The following COL5A2 variants were observed in gnomAD, a reference collection of about 807,000 sequenced individuals.
The protein encoded by COL5A2 is collagen alpha-2(V) chain.
In COL5A2, 23 loss-of-function variants were observed where a neutral mutation model predicts 208.2. That is an observed-to-expected ratio of 0.11 (90% CI 0.08 to 0.16). COL5A2 has a LOEUF of 0.16. Ranked by LOEUF, COL5A2 falls within the 10% of genes least tolerant of loss-of-function variation. The pLI is 1.00. For synonymous variants in COL5A2, 625 were observed against 628.5 expected (o/e 0.99, Z 0.08); for missense variants, 1,590 against 1,956.4 (o/e 0.81, Z 3.53).
In COL5A2 at chr2:189,035,126, A is replaced by C. The variant is rs200911233; in HGVS notation, c.4143T>G (p.Asn1381Lys). The C allele has an allele frequency of 3.1e-6, 5 of 1,613,910 alleles. No homozygotes were observed. The highest frequency in any genetic ancestry group is 4.2e-6 in the Non-Finnish European group (5 of 1,179,880). ...AAAAAGTCATCTGAGTAATGGCTGT[A>C]TTAGGTGATTGGTGGTCTCCATAAG... ...QFAYGDHQSP[N>K]TAITQMTFLR... The change falls in exon 53 of 54, where the codon AAT (asparagine) becomes AAG (lysine). Residue 1381 changes from asparagine to lysine, a missense_variant. Transcript: ENST00000374866.
In COL5A2 at chr2:189,190,483, TA is replaced by T. The variant is rs569604350; in HGVS notation, c.-42+34664del. Among the ~76,000 whole-genome samples the T allele has an allele frequency of 2.7e-3, 415 of 152,364 alleles. 2 individuals carry two copies. Among genetic ancestry groups the T allele is most frequent in the African/African-American group, 9.3e-3 (388 of 41,582 alleles). On this transcript the variant is annotated intron_variant, in intron 1 of 10. Coordinates refer to the COL5A2 transcript ENST00000649966. ...AATTTATCTTCCTGTTAATTTACTT[TA>T]AAAATAATTTATACACATTTATTTG... is the stretch of plus-strand genomic sequence containing the variant.
chr2:189,232,924 G>A, the COL5A2 span, among the ~76,000 whole-genome samples: 1 of 151,742 alleles, frequency 6.6e-6, no homozygotes, highest in African/African-American at 2.4e-5. Flanking sequence ...TAAAGGGTGG[G>A]TGGAATCACC....
At chr2:189,396,901 G>T in the COL5A2 span, among the ~76,000 whole-genome samples, 1 of 145,324 alleles carries the variant, frequency 6.9e-6, no homozygotes, top group African/African-American at 2.6e-5. Context: ...TGAGACAGGA[G>T]AATTGCTTGA....
chr2:189,064,767 A>C (rs1181769551), intron 24 of COL5A2, 112 bp from the exon 25 acceptor site: 5 of 872,414 alleles, frequency 5.7e-6, no homozygotes, highest in Non-Finnish European at 9.6e-6. Context: ...ATACAAATCA[A>C]GGCACTGATA....
At chr2:189,230,810 T>TACC in the COL5A2 span, among the ~76,000 whole-genome samples, 1 of 151,924 alleles carries the variant, frequency 6.6e-6, no homozygotes, top group Admixed American at 6.6e-5. Flanking sequence ...GAAATAGAGC[T>TACC]ACCATATGAT....
intron 23 of COL5A2, among the ~76,000 whole-genome samples, chr2:189,066,137 C>A (rs1031103669): frequency 6.6e-6 from 1 of 152,260 alleles, no homozygotes; most frequent in Non-Finnish European, 1.5e-5. Flanking sequence ...AGGACCATAG[C>A]CTTCTTGTTC....
At chr2:189,437,859 G>A in the COL5A2 span, among the ~76,000 whole-genome samples, 1 of 152,060 alleles carries the variant, frequency 6.6e-6, no homozygotes, top group Non-Finnish European at 1.5e-5. Context: ...ATTATGCAGG[G>A]TAGTGGTGTG....
At chr2:189,177,329 T>C (rs981384884) in intron 1 of COL5A2, among the ~76,000 whole-genome samples, 6 of 152,154 alleles carry the variant, frequency 3.9e-5, no homozygotes, top group Admixed American at 6.5e-5. Flanking sequence ...AGTTTCTAAA[T>C]TATGACACCT....
chr2:189,286,991 T>G, the COL5A2 span, among the ~76,000 whole-genome samples: 3 of 152,094 alleles, frequency 2.0e-5, no homozygotes, highest in African/African-American at 7.2e-5. Context: ...TAGAGTAATA[T>G]CATAGTATCT....
chr2:189,083,639 A>C (rs1041616278), intron 12 of COL5A2, among the ~76,000 whole-genome samples: 1 of 152,166 alleles, frequency 6.6e-6, no homozygotes, highest in Non-Finnish European at 1.5e-5. Context: ...TTGAAGTGTG[A>C]ATTGTAAACA....
At chr2:189,425,393 C>T in the COL5A2 span, among the ~76,000 whole-genome samples, 88 of 152,282 alleles carry the variant, frequency 5.8e-4, no homozygotes, top group Non-Finnish European at 1.0e-3. Context: ...AAAGAGCTAT[C>T]TGCACTCTCG....
chr2:189,036,870 G>T (rs1373171008), intron 51 of COL5A2, 67 bp from the exon 52 acceptor site: 5 of 1,211,892 alleles, frequency 4.1e-6, no homozygotes, highest in Non-Finnish European at 5.9e-6. Flanking sequence ...GTCTCCAAAA[G>T]AATTAACAGA....
chr2:189,431,422 A>G, the COL5A2 span, among the ~76,000 whole-genome samples: 459 of 152,298 alleles, frequency 3.0e-3, 4 homozygotes, highest in African/African-American at 0.01. Context: ...GTTTTAACCC[A>G]TCACAAAAAA....
At chr2:189,080,403 A>G (rs973512832) in intron 13 of COL5A2, among the ~76,000 whole-genome samples, 17 of 152,196 alleles carry the variant, frequency 1.1e-4, no homozygotes, top group Non-Finnish European at 1.9e-4. Flanking sequence ...ATACTTAATA[A>G]TGAGTATAGC....
the COL5A2 span, among the ~76,000 whole-genome samples, chr2:189,341,582 A>C: frequency 6.6e-6 from 1 of 152,190 alleles, no homozygotes; most frequent in Non-Finnish European, 1.5e-5. Flanking sequence ...ACAAGCACAC[A>C]ATAATTTGTT....
the COL5A2 span, among the ~76,000 whole-genome samples, chr2:189,426,489 C>T: frequency 3.9e-5 from 6 of 152,176 alleles, no homozygotes; most frequent in Non-Finnish European, 7.3e-5. Flanking sequence ...TCTTTTCAGA[C>T]GGAACCACTG....
chr2:189,087,907 T>C (rs1686699831), intron 8 of COL5A2, among the ~76,000 whole-genome samples: 1 of 151,260 alleles, frequency 6.6e-6, no homozygotes, highest in South Asian at 2.1e-4. Context: ...CAAAAAAAAG[T>C]TCCCAAAAGA....
At chr2:189,377,013 G>A in the COL5A2 span, among the ~76,000 whole-genome samples, 1 of 152,048 alleles carries the variant, frequency 6.6e-6, no homozygotes, top group African/African-American at 2.4e-5. Flanking sequence ...CTGTAACTAA[G>A]GCTCATATGA....
At chr2:189,143,639 A>G (rs1687978558) in intron 1 of COL5A2, among the ~76,000 whole-genome samples, 1 of 152,200 alleles carries the variant, frequency 6.6e-6, no homozygotes, top group South Asian at 2.1e-4. Context: ...ATCTGTTATT[A>G]AACAACTCAT....
Sources: gnomAD v4.1 joint callset for allele counts (sites outside exome capture counted in the v4.1 genomes callset) on GRCh38, gnomAD v4.1.1 for gene constraint, MANE v1.5 for transcripts, NCBI Gene and HGNC (gene_info 2026-07-23, HGNC 2026-07-21) for gene names.